The following SLC1A5 variants were observed in gnomAD, a reference collection of about 807,000 sequenced individuals.
The protein encoded by SLC1A5 is solute carrier family 1 member 5.
Under a neutral mutation model 34.9 loss-of-function variants are expected in SLC1A5, and 25 were observed. That is an observed-to-expected ratio of 0.72 (90% CI 0.52 to 1.00). The LOEUF (loss-of-function observed/expected upper bound fraction) is 1.00, where lower values mean the gene tolerates loss of function less well. Among genes scored for constraint, SLC1A5 ranks in the 50% least tolerant of loss-of-function variants. The probability of loss-of-function intolerance (pLI) is 0.00; values close to 1 mark genes in which losing one functional copy is unlikely to be tolerated. For synonymous variants in SLC1A5, 351 were observed against 341.2 expected (o/e 1.03, Z -0.32); for missense variants, 637 against 740.0 (o/e 0.86, Z 1.61).
chr19:46,780,807 C>A (rs554040990), intron 4 of SLC1A5, among the ~76,000 whole-genome samples: 1 of 151,970 alleles, frequency 6.6e-6, no homozygotes, highest in South Asian at 2.1e-4. Context: ...CCTGTCTCTA[C>A]TAAAAATACA....
chr19:46,787,960 C>A lies in SLC1A5; in HGVS notation c.6G>T (p.Val2=). The part of the protein sequence containing the change: M[V]ADPPRDSKGL... ...CCTTGGAGTCTCGAGGAGGATCGGC[C>A]ACCATGATGGGAAGCACCGGGGTTT... The change falls in exon 1 of 8, where the codon GTG becomes GTT. Residue 2 remains valine, a synonymous_variant. Coordinates refer to ENST00000542575, the MANE Select transcript of SLC1A5 (RefSeq NM_005628.3). This position sits in a 1 kb window ranked among gnomAD's most constrained non-coding sequence, Gnocchi z 5.2. The A allele has an allele frequency of 6.4e-7, 1 of 1,560,916 alleles. No homozygotes were observed. The highest frequency in any genetic ancestry group is 1.2e-5 in the South Asian group (1 of 84,684).
intron 3 of SLC1A5, among the ~76,000 whole-genome samples, chr19:46,783,878 G>A (rs980904153): frequency 6.6e-6 from 1 of 151,968 alleles, no homozygotes; most frequent in Non-Finnish European, 1.5e-5. Context: ...GCATGGAATG[G>A]GGTTGGGGGG....
intron 7 of SLC1A5, among the ~76,000 whole-genome samples, chr19:46,776,304 G>A (rs1031931139): frequency 5.4e-5 from 8 of 149,210 alleles, no homozygotes; most frequent in African/African-American, 1.7e-4. Flanking sequence ...AAGTTCAAGC[G>A]ATTCTCCTGC....
At chr19:46,784,774 G>A in intron 1 of SLC1A5, 1 of 1,450,116 alleles carries the variant, frequency 6.9e-7, no homozygotes, top group Non-Finnish European at 9.1e-7. Context: ...TCAGCCCCAA[G>A]AGGCTGGCGT....
intron 4 of SLC1A5, among the ~76,000 whole-genome samples, chr19:46,781,362 G>A (rs1180371032): frequency 6.6e-6 from 1 of 152,168 alleles, no homozygotes; most frequent in Non-Finnish European, 1.5e-5. Context: ...ACTTCGGGAG[G>A]CCGAGGTGGG....
chr19:46,784,140 G>A lies in SLC1A5; in HGVS notation c.614C>T (p.Ser205Phe), dbSNP rs2055168844. 22 of 1,613,090 alleles carry A rather than the reference G, an allele frequency of 1.4e-5. No individual in the cohort carries two copies. Among genetic ancestry groups the A allele is most frequent in the Non-Finnish European group, 1.7e-5 (20 of 1,179,128 alleles). The change falls in exon 3 of 8, where the codon TCT becomes TTT. Residue 205 changes from serine (S) to phenylalanine (F), a missense_variant. Coordinates refer to ENST00000542575, the MANE Select transcript of SLC1A5 (RefSeq NM_005628.3). ...GATATTCCTCTCTTCATAGGTGGTA[G>A]AGTACTGTAGGTGGGGTTGGGAAGA... ...NLVSAAFRSY[S>F]TTYEERNITG...
Position 46,782,390 on chromosome 19 carries a change from T to C in SLC1A5, c.817A>G (p.Ile273Val). 1 of 1,325,568 alleles carries C rather than the reference T, an allele frequency of 7.5e-7. No individual in the cohort carries two copies. The highest frequency in any genetic ancestry group is 1.1e-5 in the South Asian group (1 of 87,180). 82.1% of individuals were successfully genotyped at this position (1,325,568 alleles called of 1,614,324 possible). A position where few individuals can be genotyped will look rare whatever the true frequency, so the allele number is the denominator to read the frequency against. The change falls in exon 4 of 8, where the codon ATC (isoleucine) becomes GTC (valine). Residue 273 changes from isoleucine to valine, a missense_variant. Physicochemically the swap from Ile to Val is conservative, Grantham distance 29. Transcript: ENST00000542575. ...NEATMVLVSW[I>V]MWYAPVGIMF... ...TCCTCTCCCACCACCTACCACATGA[T>C]CCAGGAGACCAGAACCATGGTGGCC...
At position 46,784,081 on chromosome 19, in the gene SLC1A5, C is replaced by T. The variant is rs1222745764; in HGVS notation, c.657+16G>A. ...GGCAAAGAGGTAGAGCCCCCGCTGC[C>T]TCCCACTGCTCTCACCTTCACCCTG... On this transcript the variant is annotated intron_variant, in intron 3 of 7. Coordinates refer to ENST00000542575, the MANE Select transcript of SLC1A5 (RefSeq NM_005628.3). 1 of 1,608,900 alleles carries T rather than the reference C, an allele frequency of 6.2e-7. No individual in the cohort carries two copies. Among genetic ancestry groups the T allele is most frequent in the Non-Finnish European group, 8.5e-7 (1 of 1,175,496 alleles).
At position 46,777,396 on chromosome 19, in the gene SLC1A5, C is replaced by CGTGGCGGAACTGCAAGGGATGGGGGAGCT; in HGVS notation, c.1059-20_1067dup (p.Leu357AlafsTer13). 1 of 1,607,046 alleles carries CGTGGCGGAACTGCAAGGGATGGGGGAGCT rather than the reference C, an allele frequency of 6.2e-7. No homozygotes were observed. The highest frequency in any genetic ancestry group is 8.5e-7 in the Non-Finnish European group (1 of 1,176,544). On this transcript the variant is annotated frameshift_variant, in exon 6 of 8. Transcript: ENST00000542575. LOFTEE classifies it high-confidence loss of function. ...CCACGCACTTCATCATCAGCGGCAG[C>CGTGGCGGAACTGCAAGGGATGGGGGAGCT]GTGGCGGAACTGCAAGGGATGGGGG... is the stretch of plus-strand genomic sequence containing the variant.
chr19:46,782,836 G>C (rs184541699), intron 3 of SLC1A5, among the ~76,000 whole-genome samples: 1 of 152,298 alleles, frequency 6.6e-6, no homozygotes, highest in East Asian at 1.9e-4. Context: ...GGAGGAAGGA[G>C]CATCTGAGCT....
chr19:46,784,423 C>T, intron 2 of SLC1A5, 94 bp downstream of exon 2: 1 of 1,443,436 alleles, frequency 6.9e-7, no homozygotes, highest in Non-Finnish European at 9.7e-7. Context: ...TGCATTTTTC[C>T]AGGAACTAAC....
At chr19:46,784,429 C>T in intron 2 of SLC1A5, 88 bp downstream of exon 2, 1 of 1,504,280 alleles carries the variant, frequency 6.6e-7, no homozygotes, top group Non-Finnish European at 9.2e-7. Context: ...TTTCCAGGAA[C>T]TAACCAAAAT....
rs1251078952 is a variant in SLC1A5, at chr19:46,784,678, C to T, written c.567-119G>A. 5 of 1,601,502 alleles carry T rather than the reference C, an allele frequency of 3.1e-6. No homozygotes were observed. The Admixed American group carries it at 5.2e-5, about 17-fold the overall frequency. ...GAAGCTTTGGGGGCCCGCCTGCACG[C>T]AAATACAGCCCCTACTCATGCCTCA... On this transcript the variant is annotated intron_variant, in intron 1 of 7. Coordinates refer to ENST00000542575, the MANE Select transcript of SLC1A5 (RefSeq NM_005628.3).
chr19:46,784,897 G>A, intron 1 of SLC1A5: 2 of 1,289,138 alleles, frequency 1.6e-6, no homozygotes, highest in Non-Finnish European at 2.0e-6. Flanking sequence ...TTAATACCCT[G>A]GACAGCTTGC....
At chr19:46,777,517 C>T (rs1353134887) in intron 5 of SLC1A5, 112 bp from the exon 6 acceptor site, 2 of 946,754 alleles carry the variant, frequency 2.1e-6, no homozygotes, top group East Asian at 5.4e-5. Flanking sequence ...CAGCCAAAGC[C>T]CCACCCACCC....
intron 1 of SLC1A5, among the ~76,000 whole-genome samples, chr19:46,786,463 A>T (rs915911169): frequency 5.3e-5 from 8 of 152,128 alleles, no homozygotes. Context: ...AATCTCCCCC[A>T]GCCAGAAGGT....
chr19:46,782,346 AC>A, intron 4 of SLC1A5, 36 bp downstream of exon 4: 3 of 567,978 alleles, frequency 5.3e-6, no homozygotes, highest in Non-Finnish European at 6.5e-6. Context: ...CGACCCTCCA[AC>A]CCCACCCACC....
intron 5 of SLC1A5, among the ~76,000 whole-genome samples, chr19:46,777,809 C>A (rs2055108671): frequency 6.6e-6 from 1 of 151,110 alleles, no homozygotes; most frequent in African/African-American, 2.4e-5. Flanking sequence ...AACCTAGACC[C>A]CCCTTCCCTC....
At chr19:46,782,180 G>A (rs1266572877) in intron 4 of SLC1A5, among the ~76,000 whole-genome samples, 1 of 152,054 alleles carries the variant, frequency 6.6e-6, no homozygotes, top group African/African-American at 2.4e-5. Flanking sequence ...TTATAGATGA[G>A]GAAACTGAAG....
Sources: allele counts gnomAD v4.1 joint callset (sites outside exome capture counted in the v4.1 genomes callset), GRCh38; gene constraint gnomAD v4.1.1; non-coding constraint Gnocchi (gnomAD v3.1); transcripts MANE v1.5; gene names NCBI Gene and HGNC (gene_info 2026-07-23, HGNC 2026-07-21).